AADACL3: variants seen among roughly 807,000 people sequenced by gnomAD.
AADACL3 encodes the protein arylacetamide deacetylase like 3, also known as arylacetamide deacetylase-like 3.
A neutral mutation model predicts 13.6 loss-of-function variants in AADACL3; 13 were observed. The ratio of observed to expected loss-of-function variants is 0.95; its 90% CI spans 0.62 to 1.52. The LOEUF (loss-of-function observed/expected upper bound fraction) is 1.52, where lower values mean the gene tolerates loss of function less well. AADACL3 is among the 40% of genes most tolerant of loss of function. The probability of loss-of-function intolerance (pLI) is 0.00; values close to 1 mark genes in which losing one functional copy is unlikely to be tolerated. For missense variants in AADACL3, 519 were observed against 499.2 expected (o/e 1.04, Z -0.38); for synonymous variants, 195 against 197.0 (o/e 0.99, Z 0.08).
In AADACL3 at chr1:12,725,527, T is replaced by G. The variant is rs7513079; in HGVS notation, c.755T>G (p.Phe252Cys). 448,652 of 1,613,696 alleles carry G rather than the reference T, an allele frequency of 0.28. 64,848 individuals are homozygous for G. The highest frequency in any genetic ancestry group is 0.48 in the African/African-American group (36,102 of 74,824). The change falls in exon 4 of 4, where the codon TTT (phenylalanine) becomes TGT (cysteine). Residue 252 changes from phenylalanine (F) to cysteine (C), a missense_variant. By Grantham distance (205) the Phe-to-Cys change is radical. Transcript: ENST00000359318. ...PLLTWSFICYFFFQNLDFSSS... is the reference protein window; with the variant it reads ...PLLTWSFICYCFFQNLDFSSS... ...CTCACCTGGAGTTTCATCTGCTACT[T>G]TTTTTTTCAAAACCTGGATTTCAGC...
At position 12,726,216 on chromosome 1, in the gene AADACL3, T is replaced by C. The variant is rs1569635143; in HGVS notation, c.*220T>C. 2 of 560,298 alleles carry C rather than the reference T, an allele frequency of 3.6e-6. No individual in the cohort carries two copies. The highest frequency in any genetic ancestry group is 2.6e-5 in the South Asian group (1 of 38,580). The allele number at this position is 560,298 out of a possible 1,614,324, so 34.7% of individuals were successfully genotyped here. ...AGGTTTGGAGGTGGGAGTGTGGCTG[T>C]CTCTATTCTCTGTTGGGAAAACCTG... On this transcript the variant is annotated 3_prime_UTR_variant, in exon 4 of 4. Transcript: ENST00000359318.
chr1:12,728,024 T>A lies in AADACL3; in HGVS notation c.*2028T>A, dbSNP rs1433372214. 1 of 152,260 alleles carries A rather than the reference T, an allele frequency of 6.6e-6. No individual in the cohort carries two copies. The highest frequency in any genetic ancestry group is 1.5e-5 in the Non-Finnish European group (1 of 68,042). The allele number at this position is 152,260 out of a possible 1,614,324, so 9.4% of individuals were successfully genotyped here. A position where few individuals can be genotyped will look rare whatever the true frequency, so the allele number is the denominator to read the frequency against. ...GCACCCCTTGTTGGGCGCATGCCCA[T>A]GGCAGCTTCCTTCTGCCGATCATGG... On this transcript the variant is annotated 3_prime_UTR_variant, in exon 4 of 4. Transcript: ENST00000359318.
Position 12,725,264 on chromosome 1 carries a change from A to G in AADACL3, c.492A>G (p.Arg164=). ...AGCATAAGTTTCCAGTGCCAGTAAGAGACTGCTTGGTGGCCACCATCCACT... is the reference window on the plus strand; with the variant it reads ...AGCATAAGTTTCCAGTGCCAGTAAGGGACTGCTTGGTGGCCACCATCCACT... The part of the protein sequence containing the change: ...LPKHKFPVPV[R]DCLVATIHFL... The change falls in exon 4 of 4, where the codon AGA becomes AGG. Residue 164 remains arginine, a synonymous_variant. Coordinates refer to ENST00000359318, the MANE Select transcript of AADACL3 (RefSeq NM_001103170.3). 1 of 1,612,812 alleles carries G rather than the reference A, an allele frequency of 6.2e-7. No homozygotes were observed. Among genetic ancestry groups the G allele is most frequent in the Non-Finnish European group, 8.5e-7 (1 of 1,179,572 alleles).
chr1:12,718,954 C>G (rs1199768423), intron 1 of AADACL3, among the ~76,000 whole-genome samples: 1 of 152,150 alleles, frequency 6.6e-6, no homozygotes, highest in African/African-American at 2.4e-5. Flanking sequence ...ATTTAAGAAG[C>G]CAATGGACAT....
At chr1:12,725,014 C>G (rs1638336732) in intron 3 of AADACL3, among the ~76,000 whole-genome samples, 1 of 152,078 alleles carries the variant, frequency 6.6e-6, no homozygotes, top group Non-Finnish European at 1.5e-5. Flanking sequence ...ACACAGGTCC[C>G]CCATTAGGGC....
intron 3 of AADACL3, among the ~76,000 whole-genome samples, 170 bp from the exon 4 acceptor site, chr1:12,725,052 T>C (rs1002245991): frequency 4.6e-5 from 7 of 152,206 alleles, no homozygotes; most frequent in African/African-American, 1.7e-4. Context: ...GGCACCTGCC[T>C]AGGTATGTGG....
intron 2 of AADACL3, 37 bp from the exon 3 acceptor site, chr1:12,720,846 C>T (rs1411144513): frequency 6.3e-7 from 1 of 1,579,920 alleles, no homozygotes; most frequent in South Asian, 1.1e-5. Context: ...GCAAAGGAAG[C>T]CTTCCTAGTG....
Position 12,725,930 on chromosome 1 carries a change from C to A in AADACL3, c.1158C>A (p.Ser386Arg). 6.2e-7 allele frequency: 1 copy of A among 1,614,132 alleles called. No individual in the cohort carries two copies. The highest frequency in any genetic ancestry group is 8.5e-7 in the Non-Finnish European group (1 of 1,180,020). The change falls in exon 4 of 4, where the codon AGC becomes AGA. Residue 386 changes from serine (S) to arginine (R), a missense_variant. Ser to Arg is a moderately radical substitution (Grantham distance 110, BLOSUM62 -1). Transcript: ENST00000359318. ...GAGTGCTCAGGACCATTGACATGAG[C>A]TTCTTGCACTTTCCCTGCTCCATGA... ...FHGVLRTIDM[S>R]FLHFPCSMRI...
intron 1 of AADACL3, among the ~76,000 whole-genome samples, chr1:12,719,107 C>T (rs999875853): frequency 6.6e-5 from 10 of 152,138 alleles, no homozygotes; most frequent in African/African-American, 2.4e-4. Flanking sequence ...CACAGGAAGG[C>T]CTCCCTGGAA....
rs1340779855 is a variant in AADACL3, at chr1:12,726,101, G to C, written c.*105G>C. ...AGGTGGTGCATAGTGGGGCTAGGGA[G>C]GGGGTAGAGGTTGCTGTCACCTTTC... On this transcript the variant is annotated 3_prime_UTR_variant, in exon 4 of 4. Coordinates refer to ENST00000359318, the MANE Select transcript of AADACL3 (RefSeq NM_001103170.3). The C allele has an allele frequency of 3.0e-6, 4 of 1,323,628 alleles. No homozygotes were observed. In the African/African-American group the frequency reaches 5.9e-5, roughly 20 times the overall value. 82.0% of individuals were successfully genotyped at this position (1,323,628 alleles called of 1,614,324 possible). A position where few individuals can be genotyped will look rare whatever the true frequency, so the allele number is the denominator to read the frequency against.
In AADACL3 at chr1:12,719,540, G is replaced by T. The variant is rs756482950; in HGVS notation, c.234G>T (p.Leu78=). ...AATTTTTCTGTTTCATGCAAGATCT[G>T]CCTCCGCTAAAGTATGACCCCGATG... ...MPQFFCFMQD[L]PPLKYDPDVV... Residue 78 remains leucine, a synonymous_variant, in exon 2 of 4, where the codon CTG becomes CTT. Transcript: ENST00000359318. The T allele has an allele frequency of 3.1e-6, 5 of 1,614,116 alleles. No individual in the cohort carries two copies. Among genetic ancestry groups the T allele is most frequent in the Non-Finnish European group, 4.2e-6 (5 of 1,180,000 alleles).
chr1:12,728,325 A>G lies in AADACL3; in HGVS notation c.*2329A>G, dbSNP rs1182198310. The G allele has an allele frequency of 6.6e-6, 1 of 152,242 alleles. No homozygotes were observed. The highest frequency in any genetic ancestry group is 2.4e-5 in the African/African-American group (1 of 41,444). 9.4% of individuals were successfully genotyped at this position (152,242 alleles called of 1,614,324 possible). On this transcript the variant is annotated 3_prime_UTR_variant, in exon 4 of 4. Coordinates refer to ENST00000359318, the MANE Select transcript of AADACL3 (RefSeq NM_001103170.3). ...GATATTGCAGATTCAGTTCCAGACC[A>G]CAGCAATAAAGCAAGTCACATGAAT...
intron 1 of AADACL3, among the ~76,000 whole-genome samples, chr1:12,717,760 G>A (rs1217828985): frequency 6.6e-6 from 1 of 152,146 alleles, no homozygotes; most frequent in East Asian, 1.9e-4. Context: ...CAGGGGAGCC[G>A]AGCAGGGCTT....
chr1:12,718,218 T>G (rs552615752), intron 1 of AADACL3, among the ~76,000 whole-genome samples: 63 of 152,200 alleles, frequency 4.1e-4, no homozygotes, highest in Non-Finnish European at 7.2e-4. Flanking sequence ...ATGTATTTAT[T>G]TTATGTATTT....
chr1:12,716,473 C>T (rs558679251), intron 1 of AADACL3, 129 bp downstream of exon 1: 7 of 1,325,908 alleles, frequency 5.3e-6, no homozygotes, highest in Middle Eastern at 1.8e-4. Context: ...GCTGATCAGA[C>T]CTTCTGAAAT....
chr1:12,720,404 T>C (rs552402265), intron 2 of AADACL3, among the ~76,000 whole-genome samples: 43 of 152,298 alleles, frequency 2.8e-4, no homozygotes, highest in Admixed American at 8.5e-4. Flanking sequence ...TTCATTAATA[T>C]TACTAATTAC....
chr1:12,724,421 G>A (rs144106772), intron 3 of AADACL3, among the ~76,000 whole-genome samples: 95 of 152,310 alleles, frequency 6.2e-4, no homozygotes, highest in African/African-American at 1.9e-3. Context: ...GGCTGGAATC[G>A]TTTTTCTTTC....
intron 1 of AADACL3, among the ~76,000 whole-genome samples, chr1:12,719,096 G>A (rs1465542265): frequency 6.6e-6 from 1 of 152,222 alleles, no homozygotes; most frequent in African/African-American, 2.4e-5. Context: ...GGCTGGGACG[G>A]CACAGGAAGG....
At chr1:12,720,841 G>T (rs1434670121) in intron 2 of AADACL3, 42 bp from the exon 3 acceptor site, 3 of 1,569,314 alleles carry the variant, frequency 1.9e-6, no homozygotes, top group Non-Finnish European at 1.8e-6. Context: ...GGCTGGCAAA[G>T]GAAGCCTTCC....
Sources: allele counts gnomAD v4.1 joint callset (sites outside exome capture counted in the v4.1 genomes callset), GRCh38; gene constraint gnomAD v4.1.1; transcripts MANE v1.5; gene names NCBI Gene and HGNC (gene_info 2026-07-23, HGNC 2026-07-21).